HERC1: variants seen among roughly 807,000 people sequenced by gnomAD.
The protein encoded by HERC1 is probable E3 ubiquitin-protein ligase HERC1.
In HERC1, 160 loss-of-function variants were observed where a neutral mutation model predicts 554.3. The ratio of observed to expected loss-of-function variants is 0.29; its 90% CI spans 0.25 to 0.33. The LOEUF (loss-of-function observed/expected upper bound fraction) is 0.33. Among genes scored for constraint, HERC1 ranks in the 10% least tolerant of loss-of-function variants. The probability of loss-of-function intolerance (pLI) is 1.00; values close to 1 mark genes in which losing one functional copy is unlikely to be tolerated. For synonymous variants in HERC1, 2,175 were observed against 2,131.7 expected (o/e 1.02, Z -0.56); for missense variants, 4,919 against 5,918.5 (o/e 0.83, Z 5.54).
chr15:63,703,126 A>G (rs2072817234), intron 25 of HERC1, among the ~76,000 whole-genome samples: 2 of 151,870 alleles, frequency 1.3e-5, no homozygotes, highest in Admixed American at 6.6e-5. Context: ...AAAAAAAAAA[A>G]AAGAGTAAAT....
chr15:63,615,889 C>T lies in HERC1; in HGVS notation c.13973G>A (p.Ser4658Asn), dbSNP rs1382636768. ...MIPLDSFVGQ[S>N]ADGKMVPIIP... Reference sequence around the variant, plus strand: ...TATAGGAACCATTTTGCCATCAGCACTCTGGCCAACAAAAGAATCAAGAGG... The same window carrying T: ...TATAGGAACCATTTTGCCATCAGCATTCTGGCCAACAAAAGAATCAAGAGG... The change falls in exon 76 of 78, where the codon AGT becomes AAT. Residue 4658 changes from serine to asparagine, a missense_variant. Transcript: ENST00000443617. 3.8e-6 allele frequency: 6 copies of T among 1,598,740 alleles called. No homozygotes were observed. In the African/African-American group the frequency reaches 8.1e-5, roughly 22 times the overall value.
intron 46 of HERC1, 118 bp from the exon 47 acceptor site, chr15:63,660,054 C>A: frequency 1.2e-6 from 1 of 822,870 alleles, no homozygotes; most frequent in Admixed American, 2.1e-5. Context: ...TGCGATGGCT[C>A]ACGCCTGTAA....
chr15:63,697,119 G>A (rs188016276), intron 26 of HERC1, among the ~76,000 whole-genome samples: 1 of 152,006 alleles, frequency 6.6e-6, no homozygotes, highest in Non-Finnish European at 1.5e-5. Context: ...TAAACCTAAA[G>A]TAAAATAGTA....
At chr15:63,806,068 C>G (rs1187971797) in intron 1 of HERC1, among the ~76,000 whole-genome samples, 1 of 152,060 alleles carries the variant, frequency 6.6e-6, no homozygotes, top group African/African-American at 2.4e-5. Flanking sequence ...TTTTTCTTAA[C>G]ATCAACCACT....
At chr15:63,784,801 G>A (rs2076389845) in intron 1 of HERC1, among the ~76,000 whole-genome samples, 1 of 152,140 alleles carries the variant, frequency 6.6e-6, no homozygotes, top group Admixed American at 6.5e-5. Flanking sequence ...AGTACAGTTG[G>A]GGTTTCACTG....
At chr15:63,711,557 A>G (rs908249933) in intron 24 of HERC1, among the ~76,000 whole-genome samples, 19 of 152,200 alleles carry the variant, frequency 1.2e-4, no homozygotes, top group Non-Finnish European at 2.8e-4. Flanking sequence ...TAGATGAGGA[A>G]TCCTTTATGG....
Position 63,661,814 on chromosome 15 carries a change from C to T in HERC1, c.9109G>A (p.Gly3037Ser). 1 of 1,613,964 alleles carries T rather than the reference C, an allele frequency of 6.2e-7. No individual in the cohort carries two copies. Among genetic ancestry groups the T allele is most frequent in the Non-Finnish European group, 8.5e-7 (1 of 1,179,866 alleles). The change falls in exon 45 of 78, where the codon GGC becomes AGC. Residue 3037 changes from glycine (G) to serine (S), a missense_variant. Coordinates refer to ENST00000443617, the MANE Select transcript of HERC1 (RefSeq NM_003922.4). ...GCTAAGTACTTCTCCCTGCAGGTGC[C>T]ACATAACAGGTAGTACGGATTTCCA... The part of the protein sequence containing the change: ...GSGNPYYLLC[G>S]TCREKYLAMK...
chr15:63,714,723 A>G (rs1033639788), intron 22 of HERC1, among the ~76,000 whole-genome samples: 6 of 151,352 alleles, frequency 4.0e-5, no homozygotes, highest in Non-Finnish European at 2.9e-5. Context: ...AATTTTTTGT[A>G]TCTTTAGTAG....
chr15:63,746,074 GGTTGA>G (rs2075043323), intron 12 of HERC1, among the ~76,000 whole-genome samples: 3 of 151,356 alleles, frequency 2.0e-5, no homozygotes, highest in Admixed American at 6.6e-5. Flanking sequence ...ACTTGCTTTG[GGTTGA>G]GTTGACTCTT....
At chr15:63,765,496 C>T (rs1006067451) in intron 2 of HERC1, among the ~76,000 whole-genome samples, 2 of 152,116 alleles carry the variant, frequency 1.3e-5, no homozygotes, top group East Asian at 3.9e-4. Flanking sequence ...AACATCAATA[C>T]TGATCTTAAG....
chr15:63,690,813 G>A (rs1229244174), intron 31 of HERC1, among the ~76,000 whole-genome samples, 166 bp from the exon 32 acceptor site: 1 of 152,172 alleles, frequency 6.6e-6, no homozygotes, highest in Non-Finnish European at 1.5e-5. Context: ...ACCCATGAAT[G>A]CGTATGAATA....
intron 2 of HERC1, among the ~76,000 whole-genome samples, chr15:63,774,252 A>G (rs1433793739): frequency 6.6e-6 from 1 of 152,162 alleles, no homozygotes; most frequent in Non-Finnish European, 1.5e-5. Flanking sequence ...TGTTAGCTCC[A>G]TGGGGGTGGA....
At chr15:63,715,096 G>A (rs2073488123) in intron 22 of HERC1, among the ~76,000 whole-genome samples, 2 of 152,148 alleles carry the variant, frequency 1.3e-5, no homozygotes, top group Admixed American at 6.5e-5. Context: ...GGGCAGACCT[G>A]CTTCTAATTC....
At position 63,619,899 on chromosome 15, in the gene HERC1, G is replaced by C. The variant is rs866740921; in HGVS notation, c.13688+2916C>G. Among the ~76,000 whole-genome samples the C allele has an allele frequency of 2.9e-3, 440 of 151,908 alleles. 6 individuals are homozygous for C. The highest frequency in any genetic ancestry group is 0.02 in the Middle Eastern group (6 of 294). The stretch of plus-strand genomic sequence containing the variant: ...TTCTTCTCTCTTTTCTTCTTTATTA[G>C]TCTTGCTAGCAGTCTATCAATTTTG... On this transcript the variant is annotated intron_variant, in intron 74 of 77. Coordinates refer to ENST00000443617, the MANE Select transcript of HERC1 (RefSeq NM_003922.4).
chr15:63,634,883 A>G lies in HERC1; in HGVS notation c.12420T>C (p.Ser4140=), dbSNP rs775497266. ...CCACTGCTGAGTGCTTGAAGCCACAAGACATCTAAGACAGAACCAAGGAGA... is the reference window on the plus strand; with the variant it reads ...CCACTGCTGAGTGCTTGAAGCCACAGGACATCTAAGACAGAACCAAGGAGA... ...ALQGEEVVQM[S]CGFKHSAVVT... Residue 4140 remains serine (S), a synonymous_variant, in exon 66 of 78, where the codon TCT becomes TCC. Transcript: ENST00000443617. 18 of 1,603,618 alleles carry G rather than the reference A, an allele frequency of 1.1e-5. No homozygotes were observed. The highest frequency in any genetic ancestry group is 1.7e-4 in the Middle Eastern group (1 of 6,032).
At chr15:63,622,959 C>G (rs533557658) in intron 73 of HERC1, 68 bp from the exon 74 acceptor site, 1 of 856,680 alleles carries the variant, frequency 1.2e-6, no homozygotes, top group African/African-American at 1.7e-5. Context: ...AAACCAATTA[C>G]AAGATCATAC....
At chr15:63,670,386 C>T (rs2070848057) in intron 39 of HERC1, among the ~76,000 whole-genome samples, 1 of 152,206 alleles carries the variant, frequency 6.6e-6, no homozygotes. Flanking sequence ...ACACTGACTG[C>T]TCTTCAGATT....
At chr15:63,819,689 T>A (rs2077618902) in intron 1 of HERC1, among the ~76,000 whole-genome samples, 1 of 152,204 alleles carries the variant, frequency 6.6e-6, no homozygotes, top group Non-Finnish European at 1.5e-5. Context: ...CACCATGAAT[T>A]CCTGAACACC....
At chr15:63,747,910 T>G (rs996730560) in intron 10 of HERC1, 52 bp from the exon 11 acceptor site, 16 of 1,499,896 alleles carry the variant, frequency 1.1e-5, no homozygotes, top group African/African-American at 5.6e-5. Context: ...GAAATTTTTA[T>G]GCACGATCAA....
Sources: gnomAD v4.1 joint callset for allele counts (sites outside exome capture counted in the v4.1 genomes callset) on GRCh38, gnomAD v4.1.1 for gene constraint, MANE v1.5 for transcripts, NCBI Gene and HGNC (gene_info 2026-07-23, HGNC 2026-07-21) for gene names.